LDLRAD3: variants seen among roughly 807,000 people sequenced by gnomAD.
The protein encoded by LDLRAD3 is low density lipoprotein receptor class A domain containing 3, also known as low-density lipoprotein receptor class A domain-containing protein 3.
A neutral mutation model predicts 29.4 loss-of-function variants in LDLRAD3; 20 were observed. The ratio of observed to expected loss-of-function variants is 0.68; its 90% confidence interval spans 0.48 to 0.99. LDLRAD3 has a LOEUF of 0.99. Ranked by LOEUF, LDLRAD3 falls within the 50% of genes least tolerant of loss-of-function variation. LDLRAD3 has a pLI of 0.00. For synonymous variants in LDLRAD3, 157 were observed against 192.7 expected (o/e 0.81, Z 1.53); for missense variants, 420 against 454.3 (o/e 0.92, Z 0.69).
chr11:36,206,406 G>A (rs1013118649), intron 4 of LDLRAD3, among the ~76,000 whole-genome samples: 5 of 152,176 alleles, frequency 3.3e-5, no homozygotes, highest in African/African-American at 4.8e-5. Context: ...TTTGCTTTAC[G>A]GAAGACTAGC....
intron 4 of LDLRAD3, among the ~76,000 whole-genome samples, chr11:36,178,058 T>C (rs1590333952): frequency 6.6e-6 from 1 of 152,152 alleles, no homozygotes; most frequent in Admixed American, 6.5e-5. Context: ...CCTGTGGTGG[T>C]TTTTGGAGCT....
intron 4 of LDLRAD3, among the ~76,000 whole-genome samples, chr11:36,134,911 G>T (rs564442451): frequency 3.3e-5 from 5 of 152,176 alleles, no homozygotes; most frequent in Non-Finnish European, 7.4e-5. Flanking sequence ...TATTAAAGGG[G>T]GTGAAACACT....
Position 35,944,254 on chromosome 11 carries a change from G to A in LDLRAD3, c.46+110G>A, listed in dbSNP as rs995329764. On this transcript the variant is annotated intron_variant, in intron 1 of 5. Coordinates refer to ENST00000315571, the MANE Select transcript of LDLRAD3 (RefSeq NM_174902.4). The surrounding 1 kb of genome is among the most constrained non-coding windows in gnomAD (Gnocchi z 4.9). ...CTCCCGGGCGCGGGCCGCTCTCCGG[G>A]CGTGGGTGAGCGCGGAGGGCGGACC... 1.1e-4 allele frequency: 69 copies of A among 621,716 alleles called. No homozygotes were observed. Among genetic ancestry groups the A allele is most frequent in the Non-Finnish European group, 1.3e-4 (65 of 496,854 alleles). The allele number at this position is 621,716 out of a possible 1,614,324, so 38.5% of individuals were successfully genotyped here.
At chr11:36,091,939 G>A (rs1853287749) in intron 3 of LDLRAD3, among the ~76,000 whole-genome samples, 1 of 152,178 alleles carries the variant, frequency 6.6e-6, no homozygotes, top group Non-Finnish European at 1.5e-5. Context: ...AGTCCCAAAT[G>A]CAATCATTCT....
chr11:36,144,075 C>T (rs1054957560), intron 4 of LDLRAD3, among the ~76,000 whole-genome samples: 25 of 151,944 alleles, frequency 1.6e-4, no homozygotes, highest in African/African-American at 4.6e-4. Flanking sequence ...ATTGCAGGCG[C>T]GCGCCACCAC....
At chr11:35,975,557 C>T (rs929296123) in intron 1 of LDLRAD3, among the ~76,000 whole-genome samples, 3 of 152,184 alleles carry the variant, frequency 2.0e-5, no homozygotes, top group African/African-American at 7.2e-5. Flanking sequence ...GCTTCCATTT[C>T]CTTTCCCAAA....
chr11:36,174,866 C>T (rs1360804517), intron 4 of LDLRAD3, among the ~76,000 whole-genome samples: 1 of 152,130 alleles, frequency 6.6e-6, no homozygotes, highest in African/African-American at 2.4e-5. Context: ...CCTGTAGTCC[C>T]AGCTACTCAG....
chr11:35,985,425 G>A (rs1223640754), intron 1 of LDLRAD3, among the ~76,000 whole-genome samples: 1 of 152,156 alleles, frequency 6.6e-6, no homozygotes, highest in Non-Finnish European at 1.5e-5. Flanking sequence ...CTGAGATGGT[G>A]GGACTCTCTG....
chr11:36,041,963 G>A (rs1366020018), intron 2 of LDLRAD3, among the ~76,000 whole-genome samples: 1 of 152,170 alleles, frequency 6.6e-6, no homozygotes, highest in Non-Finnish European at 1.5e-5. Flanking sequence ...AGATAGAAAA[G>A]TAGGTGCAAA....
chr11:36,170,583 T>G (rs1204008302), intron 4 of LDLRAD3, among the ~76,000 whole-genome samples: 1 of 152,080 alleles, frequency 6.6e-6, no homozygotes, highest in Non-Finnish European at 1.5e-5. Context: ...ATCTCCATAT[T>G]GTTTTCCATA....
At chr11:36,058,678 A>C (rs1489852617) in intron 2 of LDLRAD3, among the ~76,000 whole-genome samples, 1 of 152,040 alleles carries the variant, frequency 6.6e-6, no homozygotes, top group Admixed American at 6.6e-5. Flanking sequence ...AGCCCAGTCA[A>C]CTCTACTTCT....
At chr11:36,204,050 G>C (rs1565302329) in intron 4 of LDLRAD3, among the ~76,000 whole-genome samples, 1 of 151,792 alleles carries the variant, frequency 6.6e-6, no homozygotes, top group Non-Finnish European at 1.5e-5. Flanking sequence ...GTACATACCA[G>C]ACTGCCATTA....
rs115361463 is a variant in LDLRAD3, at chr11:35,989,648, G to T, written c.46+45504G>T. The stretch of plus-strand genomic sequence containing the variant: ...TCTTGGTTAGGTATGTATTTTATTT[G>T]TTAATTTTTTGTGGCTATTATAAAT... On this transcript the variant is annotated intron_variant, in intron 1 of 5. Transcript: ENST00000315571. 5.1e-3 allele frequency among the ~76,000 whole-genome samples: 769 copies of T among 152,128 alleles called. 5 individuals carry two copies. The highest frequency in any genetic ancestry group is 0.018 in the African/African-American group (736 of 41,510).
At chr11:36,025,774 ATTT>A (rs754006718) in intron 1 of LDLRAD3, among the ~76,000 whole-genome samples, 12 of 84,388 alleles carry the variant, frequency 1.4e-4, no homozygotes, top group South Asian at 4.2e-4. Flanking sequence ...CCTGAATTTG[ATTT>A]TTTTTTTTTT....
chr11:36,007,633 A>C lies in LDLRAD3; in HGVS notation c.47-28470A>C, dbSNP rs115239692. ...TCAGCCAGCACTCTGGAAAAGGAAA[A>C]CACAAAACTGTTAGAACAGAAATGG... On this transcript the variant is annotated intron_variant, in intron 1 of 5. Coordinates refer to ENST00000315571, the MANE Select transcript of LDLRAD3 (RefSeq NM_174902.4). Among the ~76,000 whole-genome samples, 783 of 152,346 alleles carry C rather than the reference A, an allele frequency of 5.1e-3. 4 individuals carry two copies. The highest frequency in any genetic ancestry group is 0.018 in the African/African-American group (751 of 41,576).
intron 2 of LDLRAD3, among the ~76,000 whole-genome samples, chr11:36,073,499 C>T (rs574526593): frequency 2.6e-4 from 39 of 152,370 alleles, no homozygotes; most frequent in African/African-American, 6.7e-4. Context: ...GAGGGACAGT[C>T]GGGGCCTTGC....
At chr11:35,951,773 A>G (rs142946966) in intron 1 of LDLRAD3, among the ~76,000 whole-genome samples, 1,864 of 152,366 alleles carry the variant, frequency 0.012, 16 homozygotes, top group Non-Finnish European at 0.019. Flanking sequence ...ATAGCAGGTC[A>G]CTTCAACCTG....
rs1370468512 is a variant in LDLRAD3, at chr11:36,171,356, T to G, written c.455-55729T>G. 2.0e-5 allele frequency among the ~76,000 whole-genome samples: 3 copies of G among 152,234 alleles called. 1 individual carries two copies. The highest frequency in any genetic ancestry group is 4.4e-5 in the Non-Finnish European group (3 of 68,040). ...GCATTTGCTTTTGGGTTCTTGGTCA[T>G]GAAGTCTTTGCCTAAGCCCATGTCT... On this transcript the variant is annotated intron_variant, in intron 4 of 5. Transcript: ENST00000315571.
chr11:35,945,897 A>G (rs1408746664), intron 1 of LDLRAD3, among the ~76,000 whole-genome samples: 1 of 152,216 alleles, frequency 6.6e-6, no homozygotes, highest in East Asian at 1.9e-4. Context: ...ATAGGGCTAA[A>G]ATAAATAAAA....
Sources: gnomAD v4.1 joint callset for allele counts (sites outside exome capture counted in the v4.1 genomes callset) on GRCh38, gnomAD v4.1.1 for gene constraint, Gnocchi (gnomAD v3.1) non-coding constraint, MANE v1.5 for transcripts, NCBI Gene and HGNC (gene_info 2026-07-23, HGNC 2026-07-21) for gene names.